The following CLSTN1 variants were observed in gnomAD, a reference collection of about 807,000 sequenced individuals.
CLSTN1 encodes calsyntenin-1.
Under a neutral mutation model 108.3 loss-of-function variants are expected in CLSTN1, and 28 were observed. That is an observed-to-expected ratio of 0.26 (90% CI 0.19 to 0.35). The LOEUF is 0.35. Among genes scored for constraint, CLSTN1 ranks in the 10% least tolerant of loss-of-function variants. The pLI, the probability that CLSTN1 is intolerant of heterozygous loss-of-function variation, is 1.00. For synonymous variants in CLSTN1, 524 were observed against 534.9 expected (o/e 0.98, Z 0.28); for missense variants, 1,157 against 1,302.6 (o/e 0.89, Z 1.72).
At position 9,823,490 on chromosome 1, in the gene CLSTN1, C is replaced by T. The variant is rs1655272803; in HGVS notation, c.91+153G>A. Among the ~76,000 whole-genome samples the T allele has an allele frequency of 6.6e-6, 1 of 152,096 alleles. No homozygotes were observed. The highest frequency in any genetic ancestry group is 2.4e-5 in the African/African-American group (1 of 41,440). Reference sequence around the variant, plus strand: ...CCCCACGCCCTGACCCGGCTCCCTGCGCTCGGACCCGACTCCCCGCATCCC... The same window carrying T: ...CCCCACGCCCTGACCCGGCTCCCTGTGCTCGGACCCGACTCCCCGCATCCC... On this transcript the variant is annotated intron_variant, in intron 1 of 18. Coordinates refer to ENST00000377298, the MANE Select transcript of CLSTN1 (RefSeq NM_001009566.3). This position sits in a 1 kb window ranked among gnomAD's most constrained non-coding sequence, Gnocchi z 6.3.
intron 9 of CLSTN1, among the ~76,000 whole-genome samples, 162 bp downstream of exon 9, chr1:9,743,721 TG>T (rs200077666): frequency 6.8e-6 from 1 of 147,926 alleles, no homozygotes; most frequent in East Asian, 1.9e-4. Context: ...CTAATTTTCG[TG>T]GGTTTTTTTT....
chr1:9,763,767 G>GTC (rs1279010857), intron 2 of CLSTN1, among the ~76,000 whole-genome samples: 1 of 152,034 alleles, frequency 6.6e-6, no homozygotes, highest in African/African-American at 2.4e-5. Context: ...AGCTGACCTG[G>GTC]TCACCTACCC....
In CLSTN1 at chr1:9,768,332, T is replaced by C. The variant is rs533754179; in HGVS notation, c.214+4940A>G. Among the ~76,000 whole-genome samples, 31 of 128,840 alleles carry C rather than the reference T, an allele frequency of 2.4e-4. No individual in the cohort carries two copies. In the South Asian group the frequency reaches 8.4e-3, roughly 35 times the overall value. 84.5% of individuals were successfully genotyped at this position (128,840 alleles called of 152,430 possible). ...GCTGGGCGGCACCATGGGGGCGGAG[T>C]TCTATGTTGGGCGGCACCATGGGGG... is the stretch of plus-strand genomic sequence containing the variant. On this transcript the variant is annotated intron_variant, in intron 2 of 18. Transcript: ENST00000377298.
chr1:9,781,230 T>TGACA, intron 1 of CLSTN1: 1 of 767,006 alleles, frequency 1.3e-6, no homozygotes, highest in Non-Finnish European at 2.3e-6. Flanking sequence ...GCTGAAAATA[T>TGACA]GACAAGCTGA....
rs1650273910 is a variant in CLSTN1 at position 9,730,200 on chromosome 1, G to A, written c.*308C>T. ...GGCTTTTCTGGAGTGCGAGGGGCCA[G>A]TGTCCTCTCCCCGGGGGGAGACTCC... On this transcript the variant is annotated 3_prime_UTR_variant, in exon 19 of 19. Transcript: ENST00000377298. This position sits in a 1 kb window ranked among gnomAD's most constrained non-coding sequence, Gnocchi z 5.6. 2 of 455,816 alleles carry A rather than the reference G, an allele frequency of 4.4e-6. No homozygotes were observed. Among genetic ancestry groups the A allele is most frequent in the African/African-American group, 1.9e-5 (1 of 51,684 alleles). 28.2% of individuals were successfully genotyped at this position (455,816 alleles called of 1,614,324 possible).
intron 16 of CLSTN1, among the ~76,000 whole-genome samples, chr1:9,732,532 A>G (rs1281959045): frequency 1.3e-5 from 2 of 152,180 alleles, no homozygotes; most frequent in South Asian, 2.1e-4. Context: ...ATTTCCTTTC[A>G]TATCTCTTAC....
Position 9,733,466 on chromosome 1 carries a change from G to T in CLSTN1, c.2362C>A (p.Arg788=), listed in dbSNP as rs1270731621. The T allele has an allele frequency of 6.2e-7, 1 of 1,614,166 alleles. No homozygotes were observed. Among genetic ancestry groups the T allele is most frequent in the Non-Finnish European group, 8.5e-7 (1 of 1,180,028 alleles). ...RNWHARSLLD[R]KFKLICSELN... ...TCTGAGCAGATGAGCTTAAACTTCC[G>T]GTCAAGCAAGGACCTGGCATGCCAG... is the stretch of plus-strand genomic sequence containing the variant. The change falls in exon 16 of 19, where the codon CGG becomes AGG. Residue 788 remains arginine (R), a synonymous_variant. Transcript: ENST00000377298.
chr1:9,770,029 C>CAAA (rs5772376), intron 2 of CLSTN1, among the ~76,000 whole-genome samples: 1 of 115,770 alleles, frequency 8.6e-6, no homozygotes, highest in African/African-American at 3.3e-5. Context: ...GACTCCGTCT[C>CAAA]AAAAAAAAAA....
At chr1:9,773,528 G>C in intron 1 of CLSTN1, 134 bp from the exon 2 acceptor site, 1 of 911,174 alleles carries the variant, frequency 1.1e-6, no homozygotes, top group Non-Finnish European at 1.5e-6. Context: ...TCACAGTTCT[G>C]TCGCAAAATT....
At chr1:9,813,372 G>A (rs1654844806) in intron 1 of CLSTN1, among the ~76,000 whole-genome samples, 1 of 151,242 alleles carries the variant, frequency 6.6e-6, no homozygotes, top group Admixed American at 6.6e-5. Context: ...GCTGGTGCAT[G>A]TCTGTAATCC....
chr1:9,765,808 G>A (rs939496467), intron 2 of CLSTN1, among the ~76,000 whole-genome samples: 1 of 151,822 alleles, frequency 6.6e-6, no homozygotes, highest in Admixed American at 6.6e-5. Context: ...GCTTGAACCC[G>A]GGAGGTTGCA....
chr1:9,749,445 C>T lies in CLSTN1; in HGVS notation c.985+16G>A, dbSNP rs778866769. On this transcript the variant is annotated intron_variant, in intron 7 of 18. Coordinates refer to ENST00000377298, the MANE Select transcript of CLSTN1 (RefSeq NM_001009566.3). ...CACCAAAGCCAGCCGGATGCAAGAA[C>T]GCCTGGTCTCCTTACCACAGAGCCG... 26 of 1,592,070 alleles carry T rather than the reference C, an allele frequency of 1.6e-5. No individual in the cohort carries two copies. The highest frequency in any genetic ancestry group is 4.5e-5 in the South Asian group (4 of 89,016).
At chr1:9,748,274 C>A (rs1651377433) in intron 7 of CLSTN1, among the ~76,000 whole-genome samples, 2 of 152,116 alleles carry the variant, frequency 1.3e-5, no homozygotes, top group South Asian at 4.1e-4. Context: ...CCATACCTCA[C>A]CTCTTCTTCA....
intron 2 of CLSTN1, among the ~76,000 whole-genome samples, chr1:9,763,344 G>C (rs1329962931): frequency 2.0e-5 from 3 of 152,186 alleles, no homozygotes; most frequent in Non-Finnish European, 4.4e-5. Context: ...TACAGCAGTG[G>C]CTCTCAAATT....
rs539073789 is a variant in CLSTN1, at chr1:9,773,123, G to A, written c.214+149C>T. On this transcript the variant is annotated intron_variant, in intron 2 of 18. Coordinates refer to ENST00000377298, the MANE Select transcript of CLSTN1 (RefSeq NM_001009566.3). ...TGTCAGCTACCCCAACTATTAAAAG[G>A]AAAAAAAAACATGCTACAAAGGACG... 42 of 1,035,646 alleles carry A rather than the reference G, an allele frequency of 4.1e-5. 1 individual carries two copies. The South Asian group carries it at 5.5e-4, about 14-fold the overall frequency. The allele number at this position is 1,035,646 out of a possible 1,614,324, so 64.2% of individuals were successfully genotyped here.
chr1:9,785,735 T>C (rs1247209681), intron 1 of CLSTN1, among the ~76,000 whole-genome samples: 1 of 151,508 alleles, frequency 6.6e-6, no homozygotes, highest in African/African-American at 2.4e-5. Flanking sequence ...TACATGAAAA[T>C]CACTTGTACA....
At chr1:9,785,858 A>G (rs1469999476) in intron 1 of CLSTN1, among the ~76,000 whole-genome samples, 1 of 150,294 alleles carries the variant, frequency 6.7e-6, no homozygotes, top group African/African-American at 2.5e-5. Flanking sequence ...CACCCCACCC[A>G]GCTTGAAGTT....
chr1:9,768,750 T>C, intron 2 of CLSTN1, among the ~76,000 whole-genome samples: 2 of 53,304 alleles, frequency 3.8e-5, no homozygotes, highest in Non-Finnish European at 6.8e-5. Flanking sequence ...GGTGGCATCA[T>C]GGGGGCGGGG....
intron 1 of CLSTN1, among the ~76,000 whole-genome samples, chr1:9,783,783 A>G (rs973148548): frequency 6.6e-6 from 1 of 152,204 alleles, no homozygotes; most frequent in African/African-American, 2.4e-5. Flanking sequence ...GCCTGAGGTC[A>G]GGAGTTCGAG....
Sources: allele counts gnomAD v4.1 joint callset (sites outside exome capture counted in the v4.1 genomes callset), GRCh38; gene constraint gnomAD v4.1.1; non-coding constraint Gnocchi (gnomAD v3.1); transcripts MANE v1.5; gene names NCBI Gene and HGNC (gene_info 2026-07-23, HGNC 2026-07-21).